The following DYNC2LI1 variants were observed in gnomAD, a reference collection of about 807,000 sequenced individuals.
DYNC2LI1 encodes dynein cytoplasmic 2 light intermediate chain 1.
Under a neutral mutation model 51.9 loss-of-function variants are expected in DYNC2LI1, and 45 were observed. That is an observed-to-expected ratio of 0.87 (90% confidence interval 0.68 to 1.11). DYNC2LI1 has a LOEUF of 1.11. Among genes scored for constraint, DYNC2LI1 ranks in the 50% most tolerant of loss-of-function variants. The pLI is 0.00. For missense variants in DYNC2LI1, 490 were observed against 417.4 expected, an observed-to-expected ratio of 1.17 and a Z score of -1.51; for synonymous variants, 130 against 137.8, an observed-to-expected ratio of 0.94 and a Z score of 0.40.
At chr2:43,823,637 A>G in the DYNC2LI1 span, among the ~76,000 whole-genome samples, 1 of 152,146 alleles carries the variant, frequency 6.6e-6, no homozygotes, top group African/African-American at 2.4e-5. Context: ...GATAGGAGGA[A>G]TGATCTTTTG....
At chr2:43,790,672 A>G (rs1028620122) in intron 5 of DYNC2LI1, among the ~76,000 whole-genome samples, 1 of 152,198 alleles carries the variant, frequency 6.6e-6, no homozygotes, top group Non-Finnish European at 1.5e-5. Context: ...AATCACATTA[A>G]AAAATAACCA....
the DYNC2LI1 span, chr2:43,828,150 T>A: frequency 6.2e-7 from 1 of 1,612,814 alleles, no homozygotes; most frequent in Non-Finnish European, 8.5e-7. Flanking sequence ...AGGCTGGGAG[T>A]CTCTGTGGCT....
the DYNC2LI1 span, chr2:43,822,695 T>A: frequency 1.4e-6 from 2 of 1,466,962 alleles, no homozygotes; most frequent in Non-Finnish European, 1.8e-6. Context: ...GTGTAGATCC[T>A]CCAGAGCAGA....
chr2:43,806,897 T>C (rs143525358), intron 12 of DYNC2LI1, among the ~76,000 whole-genome samples: 75 of 151,414 alleles, frequency 5.0e-4, no homozygotes, highest in African/African-American at 1.7e-3. Flanking sequence ...TGGTTCGAGA[T>C]TTTTTTTTAA....
chr2:43,807,601 G>A (rs760515383), intron 12 of DYNC2LI1, among the ~76,000 whole-genome samples: 3 of 151,644 alleles, frequency 2.0e-5, no homozygotes, highest in South Asian at 2.1e-4. Context: ...CACCATGCCC[G>A]GGTAATTTTT....
Position 43,788,146 on chromosome 2 carries a change from A to G in DYNC2LI1, c.231+896A>G, listed in dbSNP as rs1673608888. Among the ~76,000 whole-genome samples, 3 of 152,346 alleles carry G rather than the reference A, an allele frequency of 2.0e-5. No individual in the cohort carries two copies. In the East Asian group the frequency reaches 5.8e-4, roughly 29 times the overall value. On this transcript the variant is annotated intron_variant, in intron 4 of 12. Coordinates refer to ENST00000260605, the MANE Select transcript of DYNC2LI1 (RefSeq NM_016008.4). ...TTGGAAACTTTGAGACAGCTCTCAT[A>G]AGCTTAACTTTTGAGAAGAGCTCTA... is the stretch of plus-strand genomic sequence containing the variant.
chr2:43,827,343 G>T, the DYNC2LI1 span, among the ~76,000 whole-genome samples: 33,717 of 142,280 alleles, frequency 0.24, 5,018 homozygotes, highest in East Asian at 0.8. Flanking sequence ...AAAAAAAAAA[G>T]TGACAAGAGC....
chr2:43,815,031 C>T, the DYNC2LI1 span, among the ~76,000 whole-genome samples: 1 of 152,256 alleles, frequency 6.6e-6, no homozygotes, highest in Non-Finnish European at 1.5e-5. Context: ...TTTTGGTAAG[C>T]ACTACTGATA....
chr2:43,807,852 TA>T, intron 12 of DYNC2LI1, among the ~76,000 whole-genome samples: 1 of 151,500 alleles, frequency 6.6e-6, no homozygotes, highest in East Asian at 1.9e-4. Flanking sequence ...GCTATCCCTT[TA>T]AAACATCAAT....
In DYNC2LI1 at chr2:43,794,455, A is replaced by G; in HGVS notation, c.321-2A>G. ...TTTTGAAAAGTGTTTTTATTTCTTT[A>G]GGACGTTTTCTCTTGTTCTCGTTCT... On this transcript the variant is annotated splice_acceptor_variant, in intron 5 of 12. Transcript: ENST00000260605. LOFTEE classifies it high-confidence loss of function. The G allele has an allele frequency of 1.2e-6, 2 of 1,600,940 alleles. No individual in the cohort carries two copies. The highest frequency in any genetic ancestry group is 1.7e-6 in the Non-Finnish European group (2 of 1,174,030).
chr2:43,812,281 T>C (rs1488037875), downstream of DYNC2LI1, among the ~76,000 whole-genome samples: 2 of 152,028 alleles, frequency 1.3e-5, no homozygotes, highest in African/African-American at 4.8e-5. Context: ...TGGGGTTATT[T>C]CTCAGTGCAT....
At chr2:43,823,087 C>T in the DYNC2LI1 span, 2 of 1,000,718 alleles carry the variant, frequency 2.0e-6, no homozygotes, top group Non-Finnish European at 1.5e-6. Context: ...ACCTGCCATC[C>T]ACAGGACAAT....
rs142130037 is a variant in DYNC2LI1 at position 43,781,359 on chromosome 2, T to A, written c.127-2161T>A. Among the ~76,000 whole-genome samples the A allele has an allele frequency of 6.3e-3, 912 of 144,686 alleles. 12 individuals are homozygous for A. The highest frequency in any genetic ancestry group is 0.023 in the African/African-American group (861 of 37,512). The allele number at this position is 144,686 out of a possible 152,430, so 94.9% of individuals were successfully genotyped here. A position where few individuals can be genotyped will look rare whatever the true frequency, so the allele number is the denominator to read the frequency against. ...TCCAGCCTATGCAACAGAGGGAGAC[T>A]CTGTCTCAAAAAAAAAAACAAAAAA... On this transcript the variant is annotated intron_variant, in intron 2 of 12. Coordinates refer to ENST00000260605, the MANE Select transcript of DYNC2LI1 (RefSeq NM_016008.4).
intron 5 of DYNC2LI1, among the ~76,000 whole-genome samples, chr2:43,790,715 A>G (rs756239277): frequency 1.1e-4 from 16 of 152,350 alleles, no homozygotes; most frequent in Non-Finnish European, 2.4e-4. Context: ...AGCCTTTTCA[A>G]TGTCTGTAAA....
chr2:43,820,492 C>G, the DYNC2LI1 span, among the ~76,000 whole-genome samples: 1 of 152,120 alleles, frequency 6.6e-6, no homozygotes, highest in Admixed American at 6.5e-5. Flanking sequence ...CTCACCCAAC[C>G]CGCTTCCCAG....
At chr2:43,802,332 C>A (rs1666102328) in intron 10 of DYNC2LI1, among the ~76,000 whole-genome samples, 3 of 150,704 alleles carry the variant, frequency 2.0e-5, no homozygotes, top group Admixed American at 2.0e-4. Context: ...TTATCCTCTG[C>A]AGGTGGCGTA....
intron 8 of DYNC2LI1, among the ~76,000 whole-genome samples, chr2:43,797,384 G>A (rs1665908668): frequency 6.6e-6 from 1 of 152,088 alleles, no homozygotes; most frequent in South Asian, 2.1e-4. Context: ...GAGTACATGT[G>A]AAATGCTTAG....
chr2:43,795,063 C>A (rs1673969979), intron 6 of DYNC2LI1: 2 of 1,025,620 alleles, frequency 2.0e-6, no homozygotes, highest in East Asian at 8.4e-5. Context: ...ACATTCATTT[C>A]GTTTCTGTCA....
chr2:43,802,313 C>T (rs544367745), intron 10 of DYNC2LI1, among the ~76,000 whole-genome samples: 43 of 151,602 alleles, frequency 2.8e-4, no homozygotes, highest in African/African-American at 9.7e-4. Flanking sequence ...CTTTGAGCCT[C>T]GCACTTCTTT....
Sources: allele counts gnomAD v4.1 joint callset (sites outside exome capture counted in the v4.1 genomes callset), GRCh38; gene constraint gnomAD v4.1.1; transcripts MANE v1.5; gene names NCBI Gene and HGNC (gene_info 2026-07-23, HGNC 2026-07-21).